Variants in SLC36A2 observed in about 807,000 individuals in gnomAD.
SLC36A2 encodes proton-coupled amino acid transporter 2.
Under a neutral mutation model 42.7 loss-of-function variants are expected in SLC36A2, and 39 were observed. The ratio of observed to expected loss-of-function variants is 0.91; its 90% CI spans 0.71 to 1.19. SLC36A2 has a LOEUF of 1.19. Among genes scored for constraint, SLC36A2 ranks in the 50% most tolerant of loss-of-function variants. The pLI, the probability that SLC36A2 is intolerant of heterozygous loss-of-function variation, is 0.00. For synonymous variants in SLC36A2, 237 were observed against 240.8 expected (o/e 0.98, Z 0.15); for missense variants, 590 against 613.7 (o/e 0.96, Z 0.41).
intron 4 of SLC36A2, among the ~76,000 whole-genome samples, chr5:151,341,385 C>T (rs1756340842): frequency 6.6e-6 from 1 of 152,124 alleles, no homozygotes; most frequent in African/African-American, 2.4e-5. Flanking sequence ...TGGTTCCAGG[C>T]CCATGATACC....
chr5:151,335,680 G>C, intron 5 of SLC36A2, 133 bp from the exon 6 acceptor site: 1 of 733,994 alleles, frequency 1.4e-6, no homozygotes, highest in Non-Finnish European at 2.5e-6. Flanking sequence ...ATCTCACGGT[G>C]AGTTAGGGTG....
chr5:151,319,160 A>C (rs1755609273), intron 9 of SLC36A2: 1 of 973,938 alleles, frequency 1.0e-6, no homozygotes, highest in African/African-American at 1.8e-5. Flanking sequence ...CATGTAAAGC[A>C]TTCAGAAAAG....
intron 7 of SLC36A2, 35 bp from the exon 8 acceptor site, chr5:151,325,487 G>A: frequency 6.2e-7 from 1 of 1,611,078 alleles, no homozygotes; most frequent in Non-Finnish European, 8.5e-7. Context: ...AGGAGAAAGA[G>A]TAACATGAAC....
In SLC36A2 at chr5:151,325,313, C is replaced by T. The variant is rs1755821560; in HGVS notation, c.983G>A (p.Ser328Asn). The stretch of plus-strand genomic sequence containing the variant: ...GCAGTTAGGCAGGTTAAGGCTTATG[C>T]TGGCCTTGATGTCATCTCCAAACCG... ...YLRFGDDIKA[S>N]ISLNLPNCWL... The change falls in exon 8 of 10, where the codon AGC becomes AAC. Residue 328 changes from serine to asparagine, a missense_variant. By Grantham distance (46) the Ser-to-Asn change is conservative (BLOSUM62 1). Transcript: ENST00000335244. The T allele has an allele frequency of 1.9e-6, 3 of 1,613,532 alleles. No individual in the cohort carries two copies. The highest frequency in any genetic ancestry group is 2.5e-6 in the Non-Finnish European group (3 of 1,179,798).
chr5:151,318,146 A>G (rs921388951), intron 9 of SLC36A2, among the ~76,000 whole-genome samples: 1 of 152,112 alleles, frequency 6.6e-6, no homozygotes, highest in African/African-American at 2.4e-5. Flanking sequence ...AGATTAGACA[A>G]AGTTTCTTTC....
Position 151,342,959 on chromosome 5 carries a change from A to G in SLC36A2, c.369T>C (p.Tyr123=), listed in dbSNP as rs770729058. 6.8e-6 allele frequency: 11 copies of G among 1,614,110 alleles called. No individual in the cohort carries two copies. The South Asian group carries it at 8.8e-5, about 13-fold the overall frequency. ...CKRLNKPFMD[Y]GDTVMHGLEA... Reference sequence around the variant, plus strand: ...CTAGTCCATGCATCACCGTGTCCCCATAGTCCATAAAGGGCTTGTTAAGCC... The same window carrying G: ...CTAGTCCATGCATCACCGTGTCCCCGTAGTCCATAAAGGGCTTGTTAAGCC... The change falls in exon 4 of 10, where the codon TAT becomes TAC. Residue 123 remains tyrosine, a synonymous_variant. Coordinates refer to ENST00000335244, the MANE Select transcript of SLC36A2 (RefSeq NM_181776.3).
chr5:151,332,594 A>G (rs1233097049), intron 7 of SLC36A2: 4 of 338,658 alleles, frequency 1.2e-5, no homozygotes, highest in Non-Finnish European at 2.3e-5. Flanking sequence ...CATTAGGCTA[A>G]GTAAAAGAAG....
At chr5:151,345,911 C>T (rs10068519) in intron 1 of SLC36A2, among the ~76,000 whole-genome samples, 18,692 of 152,148 alleles carry the variant, frequency 0.12, 3,789 homozygotes, top group African/African-American at 0.42. Context: ...TCAAATCTCC[C>T]AGGAGGAGAG....
rs775873166 is a variant in SLC36A2, at chr5:151,325,472, TAAG to T, written c.844-23_844-21del. 1 of 1,613,412 alleles carries T rather than the reference TAAG, an allele frequency of 6.2e-7. No homozygotes were observed. The highest frequency in any genetic ancestry group is 8.5e-7 in the Non-Finnish European group (1 of 1,179,798). On this transcript the variant is annotated intron_variant, in intron 7 of 9. Transcript: ENST00000335244. ...CAGAACCTACAGAAACATCACAATG[TAAG>T]AAGGAGAAAGAGTAACATGAACAAA... is the stretch of plus-strand genomic sequence containing the variant.
At chr5:151,319,851 T>C (rs394231) in intron 9 of SLC36A2, 101,051 of 152,194 alleles carry the variant, frequency 0.66, 34,527 homozygotes, top group East Asian at 0.98. Flanking sequence ...ATATGCAGCT[T>C]GAGATATATT....
rs199803602 is a variant in SLC36A2, at chr5:151,325,337, C to A, written c.959G>T (p.Arg320Leu). 5.6e-6 allele frequency: 9 copies of A among 1,613,928 alleles called. No individual in the cohort carries two copies. The East Asian group carries it at 2.0e-4, about 36-fold the overall frequency. Residue 320 changes from arginine (R) to leucine (L), a missense_variant, in exon 8 of 10, where the codon CGG becomes CTG. Transcript: ENST00000335244. Reference sequence around the variant, plus strand: ...GCTGGCCTTGATGTCATCTCCAAACCGCAGGTAGCCCAGAGCCGCCATGCC... The same window carrying A: ...GCTGGCCTTGATGTCATCTCCAAACAGCAGGTAGCCCAGAGCCGCCATGCC... ...YIGMAALGYL[R>L]FGDDIKASIS...
chr5:151,336,316 C>T (rs191936147), intron 5 of SLC36A2, among the ~76,000 whole-genome samples: 1 of 152,234 alleles, frequency 6.6e-6, no homozygotes, highest in Non-Finnish European at 1.5e-5. Context: ...AGATTAATTC[C>T]GATAGTGGAG....
chr5:151,315,814 G>T lies in SLC36A2; in HGVS notation c.*1003C>A, dbSNP rs1263421993. ...AGGTAATCAAGAATGCATGTTGCAA[G>T]AATTAAGAGGTAAAGTCTATTCAAA... On this transcript the variant is annotated 3_prime_UTR_variant, in exon 10 of 10. Coordinates refer to ENST00000335244, the MANE Select transcript of SLC36A2 (RefSeq NM_181776.3). 3 of 152,190 alleles carry T rather than the reference G, an allele frequency of 2.0e-5. No individual in the cohort carries two copies. The highest frequency in any genetic ancestry group is 4.4e-5 in the Non-Finnish European group (3 of 68,032). 9.4% of individuals were successfully genotyped at this position (152,190 alleles called of 1,614,324 possible).
rs935800571 is a variant in SLC36A2 at position 151,343,673 on chromosome 5, T to C, written c.256-75A>G. On this transcript the variant is annotated intron_variant, in intron 2 of 9. Coordinates refer to ENST00000335244, the MANE Select transcript of SLC36A2 (RefSeq NM_181776.3). Reference sequence around the variant, plus strand: ...TATGAAGAATACTGCAAGATGGGCTTGGTAGTGCTGATATCATGCAGAACT... The same window carrying C: ...TATGAAGAATACTGCAAGATGGGCTCGGTAGTGCTGATATCATGCAGAACT... 9.7e-6 allele frequency: 13 copies of C among 1,342,556 alleles called. No individual in the cohort carries two copies. In the African/African-American group the frequency reaches 1.7e-4, roughly 18 times the overall value. The allele number at this position is 1,342,556 out of a possible 1,614,324, so 83.2% of individuals were successfully genotyped here.
chr5:151,336,789 C>A (rs898637021), intron 5 of SLC36A2, among the ~76,000 whole-genome samples: 2 of 151,040 alleles, frequency 1.3e-5, no homozygotes, highest in African/African-American at 2.4e-5. Context: ...CTGATACAGT[C>A]TTACTGGACA....
chr5:151,327,218 A>G (rs1041366159), intron 7 of SLC36A2, among the ~76,000 whole-genome samples: 3 of 152,274 alleles, frequency 2.0e-5, no homozygotes, highest in Admixed American at 6.5e-5. Context: ...TGAAGACCGT[A>G]ACTCTATGAA....
chr5:151,344,235 C>G lies in SLC36A2; in HGVS notation c.197G>C (p.Gly66Ala). The change falls in exon 2 of 10, where the codon GGC becomes GCC. Residue 66 changes from glycine (G) to alanine (A), a missense_variant. Coordinates refer to ENST00000335244, the MANE Select transcript of SLC36A2 (RefSeq NM_181776.3). ...VFQALIHLVK[G>A]NMGTGILGLP... ...TCCCAGGATCCCTGTGCCCATGTTG[C>G]CTTTCACCAGGTGAATCAAGGCCTG... The G allele has an allele frequency of 6.2e-7, 1 of 1,614,138 alleles. No individual in the cohort carries two copies. Among genetic ancestry groups the G allele is most frequent in the Non-Finnish European group, 8.5e-7 (1 of 1,180,018 alleles).
chr5:151,330,271 C>T (rs1755962019), intron 7 of SLC36A2, among the ~76,000 whole-genome samples: 1 of 151,858 alleles, frequency 6.6e-6, no homozygotes, highest in African/African-American at 2.4e-5. Context: ...TACAGTATAA[C>T]TGCTGATTAA....
chr5:151,333,348 A>G (rs1756050718), intron 6 of SLC36A2, 26 bp from the exon 7 acceptor site: 2 of 1,591,208 alleles, frequency 1.3e-6, no homozygotes, highest in African/African-American at 2.7e-5. Flanking sequence ...ATGCTATGAG[A>G]CAGTCACTCT....
Sources: gnomAD v4.1 joint callset for allele counts (sites outside exome capture counted in the v4.1 genomes callset) on GRCh38, gnomAD v4.1.1 for gene constraint, MANE v1.5 for transcripts, NCBI Gene and HGNC (gene_info 2026-07-23, HGNC 2026-07-21) for gene names.